Variants in PRH1 observed in about 807,000 individuals in gnomAD.
The protein encoded by PRH1 is salivary acidic proline-rich phosphoprotein 1/2.
In PRH1, 7 loss-of-function variants were observed where a neutral mutation model predicts 7.9. That is an observed-to-expected ratio of 0.89 (90% CI 0.50 to 1.67). PRH1 has a LOEUF of 1.67. PRH1 is among the 40% of genes most tolerant of loss of function. The pLI, the probability that PRH1 is intolerant of heterozygous loss-of-function variation, is 0.00. For synonymous variants in PRH1, 45 were observed against 80.8 expected (o/e 0.56, Z 2.38); for missense variants, 109 against 223.6 (o/e 0.49, Z 3.27).
intron 2 of PRH1, among the ~76,000 whole-genome samples, chr12:10,934,043 G>T (rs1231702060): frequency 6.6e-6 from 1 of 152,080 alleles, no homozygotes; most frequent in Non-Finnish European, 1.5e-5. Flanking sequence ...AACTTCTAAA[G>T]AATCTTTGTG....
intron 2 of PRH1, among the ~76,000 whole-genome samples, chr12:10,948,574 CT>C (rs923376671): frequency 6.6e-6 from 1 of 152,092 alleles, no homozygotes; most frequent in Non-Finnish European, 1.5e-5. Flanking sequence ...TTTTGTCTTC[CT>C]CCCAAATCTC....
intron 1 of PRH1, among the ~76,000 whole-genome samples, chr12:11,029,208 G>A: frequency 6.6e-6 from 1 of 152,216 alleles, no homozygotes; most frequent in Non-Finnish European, 1.5e-5. Flanking sequence ...AATTAATACA[G>A]TCAAGTAGAA....
chr12:10,906,519 C>G (rs1410647689), intron 2 of PRH1, among the ~76,000 whole-genome samples: 1 of 152,130 alleles, frequency 6.6e-6, no homozygotes, highest in Non-Finnish European at 1.5e-5. Context: ...TGTCCCCACC[C>G]AAATCTCATC....
chr12:11,003,795 T>G (rs1940702436), intron 1 of PRH1, among the ~76,000 whole-genome samples: 1 of 151,852 alleles, frequency 6.6e-6, no homozygotes, highest in Non-Finnish European at 1.5e-5. Flanking sequence ...TACTATTATA[T>G]CTGTATATAT....
chr12:11,109,725 A>G (rs867807479), intron 1 of PRH1, among the ~76,000 whole-genome samples: 3 of 152,168 alleles, frequency 2.0e-5, no homozygotes, highest in Non-Finnish European at 4.4e-5. Flanking sequence ...AAACCAGGGC[A>G]AAAAAGGCTG....
At chr12:11,065,050 A>G (rs1943752388) in intron 1 of PRH1, among the ~76,000 whole-genome samples, 1 of 152,058 alleles carries the variant, frequency 6.6e-6, no homozygotes, top group Admixed American at 6.6e-5. Context: ...ATAGAATAAT[A>G]CTGATAATAA....
At chr12:10,939,381 C>A in intron 2 of PRH1, 1 of 502,758 alleles carries the variant, frequency 2.0e-6, no homozygotes, top group Non-Finnish European at 3.4e-6. Context: ...TTAAAGCTCT[C>A]TTCATAAAAA....
At chr12:10,903,153 G>C (rs1949746990) in intron 2 of PRH1, among the ~76,000 whole-genome samples, 1 of 151,828 alleles carries the variant, frequency 6.6e-6, no homozygotes, top group African/African-American at 2.4e-5. Flanking sequence ...CAAAGTAAAG[G>C]GTTGTAGAAG....
intron 1 of PRH1, among the ~76,000 whole-genome samples, chr12:11,070,029 A>G (rs1236932674): frequency 6.6e-6 from 1 of 152,162 alleles, no homozygotes; most frequent in African/African-American, 2.4e-5. Context: ...TACAGTACGT[A>G]GTTAGTCAGG....
intron 1 of PRH1, among the ~76,000 whole-genome samples, chr12:11,064,335 A>G (rs1449490668): frequency 6.6e-6 from 1 of 152,124 alleles, no homozygotes; most frequent in African/African-American, 2.4e-5. Flanking sequence ...TTAGTCACAT[A>G]GTTGCAAGTA....
Position 10,945,302 on chromosome 12 carries a change from C to T in PRH1, c.-59+28353G>A, listed in dbSNP as rs1344831160. ...TCTTGGGAGTATCGGGTGAAATTCA[C>T]CCCCGATATTTCACTTAGGTTCTTT... On this transcript the variant is annotated intron_variant, in intron 2 of 3. Coordinates refer to the PRH1 transcript ENST00000539853. Among the ~76,000 whole-genome samples the T allele has an allele frequency of 2.6e-5, 4 of 152,118 alleles. No individual in the cohort carries two copies. In the East Asian group the frequency reaches 7.7e-4, roughly 29 times the overall value.
chr12:10,938,681 GA>G (rs1395970980), intron 2 of PRH1: 10 of 1,613,898 alleles, frequency 6.2e-6, no homozygotes, highest in Non-Finnish European at 8.5e-6. Context: ...AATAAGACTG[GA>G]AAATCGTGTA....
chr12:10,949,282 A>T (rs1047435926), intron 2 of PRH1, among the ~76,000 whole-genome samples: 10 of 152,244 alleles, frequency 6.6e-5, no homozygotes, highest in African/African-American at 9.6e-5. Flanking sequence ...GGACCCATGG[A>T]AGTCTAACTG....
intron 1 of PRH1, among the ~76,000 whole-genome samples, chr12:11,138,015 C>T (rs962873231): frequency 6.6e-6 from 1 of 152,046 alleles, no homozygotes; most frequent in Non-Finnish European, 1.5e-5. Flanking sequence ...AATACCCTCA[C>T]GTGGTATTTC....
chr12:10,936,892 G>A (rs1950297351), intron 2 of PRH1, among the ~76,000 whole-genome samples: 1 of 152,054 alleles, frequency 6.6e-6, no homozygotes, highest in Non-Finnish European at 1.5e-5. Flanking sequence ...CAGTCTTTCT[G>A]AAGCAGATTG....
chr12:10,979,033 A>G (rs573289825), intron 1 of PRH1, among the ~76,000 whole-genome samples: 31 of 152,312 alleles, frequency 2.0e-4, no homozygotes, highest in African/African-American at 7.5e-4. Context: ...TCTCACTTAC[A>G]AGTGGGAGCT....
chr12:11,074,032 A>G (rs1409464466), intron 1 of PRH1, among the ~76,000 whole-genome samples: 1 of 141,734 alleles, frequency 7.1e-6, no homozygotes, highest in Non-Finnish European at 1.6e-5. Flanking sequence ...TCTGAGTGGC[A>G]CAAGGAGGGG....
intron 1 of PRH1, among the ~76,000 whole-genome samples, chr12:11,001,007 GT>G (rs34230211): frequency 2.0e-5 from 3 of 151,644 alleles, no homozygotes; most frequent in Admixed American, 2.0e-4. Flanking sequence ...GGTTGGCTTT[GT>G]TTTTTTGTTT....
At chr12:11,039,452 A>T (rs1488627319) in intron 1 of PRH1, among the ~76,000 whole-genome samples, 2 of 152,264 alleles carry the variant, frequency 1.3e-5, no homozygotes, top group Non-Finnish European at 2.9e-5. Context: ...AATTTTCCAC[A>T]TCGTTGTTGA....
Sources: gnomAD v4.1 joint callset for allele counts (sites outside exome capture counted in the v4.1 genomes callset) on GRCh38, gnomAD v4.1.1 for gene constraint, MANE v1.5 for transcripts, NCBI Gene and HGNC (gene_info 2026-07-23, HGNC 2026-07-21) for gene names.